PCDHA6: variants seen among roughly 807,000 people sequenced by gnomAD.
PCDHA6 encodes protocadherin alpha-6.
In PCDHA6, 55 loss-of-function variants were observed where a neutral mutation model predicts 60.3. That is an observed-to-expected ratio of 0.91 (90% CI 0.73 to 1.14). The LOEUF (loss-of-function observed/expected upper bound fraction) is 1.14. Among genes scored for constraint, PCDHA6 ranks in the 50% most tolerant of loss-of-function variants. The probability of loss-of-function intolerance (pLI) is 0.00; values close to 1 mark genes in which losing one functional copy is unlikely to be tolerated. For missense variants in PCDHA6, 1,327 were observed against 1,256.5 expected, an observed-to-expected ratio of 1.06 and a Z score of -0.85; for synonymous variants, 652 against 557.9, an observed-to-expected ratio of 1.17 and a Z score of -2.38.
At chr5:140,839,793 G>A (rs1776412354) in intron 1 of PCDHA6, among the ~76,000 whole-genome samples, 1 of 151,918 alleles carries the variant, frequency 6.6e-6, no homozygotes, top group East Asian at 1.9e-4. Context: ...TAGAAATTTG[G>A]AGGAGCTCTT....
chr5:140,858,539 T>A (rs62384480), intron 1 of PCDHA6: 78,694 of 1,399,008 alleles, frequency 0.056, 7,001 homozygotes, highest in Non-Finnish European at 0.065. Context: ...TTTGTCTACA[T>A]TCCATTTATG....
chr5:140,846,625 C>A (rs567549209), intron 1 of PCDHA6, among the ~76,000 whole-genome samples: 1 of 149,010 alleles, frequency 6.7e-6, no homozygotes, highest in Non-Finnish European at 1.5e-5. Flanking sequence ...CCGCCCACTT[C>A]GGCCTCCTAA....
At chr5:140,841,219 G>T in intron 1 of PCDHA6, 1 of 1,437,982 alleles carries the variant, frequency 7.0e-7, no homozygotes, top group South Asian at 1.4e-5. Context: ...TCTAAAGGCC[G>T]AACAACGGGA....
At chr5:140,870,732 T>A (rs782731773) in intron 1 of PCDHA6, 10 of 1,613,288 alleles carry the variant, frequency 6.2e-6, no homozygotes, top group East Asian at 2.2e-5. Flanking sequence ...GCGTGCCGCC[T>A]CTGAGCAGCA....
intron 1 of PCDHA6, among the ~76,000 whole-genome samples, chr5:140,956,511 T>C (rs1293826895): frequency 1.3e-5 from 2 of 152,218 alleles, no homozygotes. Flanking sequence ...TACTTGATCA[T>C]GGTGAATAAG....
rs2150464211 is a variant in PCDHA6 at position 140,850,028 on chromosome 5, C to T, written c.2394+19543C>T. 1.0e-5 allele frequency: 16 copies of T among 1,596,676 alleles called. 1 individual carries two copies. Among genetic ancestry groups the T allele is most frequent in the East Asian group, 2.2e-5 (1 of 44,848 alleles). On this transcript the variant is annotated intron_variant, in intron 1 of 3. Coordinates refer to ENST00000529310, the MANE Select transcript of PCDHA6 (RefSeq NM_018909.4). The stretch of plus-strand genomic sequence containing the variant: ...CGCTGTCGAGCTACGTGTCAGTGCA[C>T]GCGGAGAGCGGCAAGGTGTACGCGC...
intron 1 of PCDHA6, among the ~76,000 whole-genome samples, chr5:140,888,673 A>G (rs571585641): frequency 6.6e-6 from 1 of 152,180 alleles, no homozygotes; most frequent in Non-Finnish European, 1.5e-5. Context: ...TGCCCTGTGC[A>G]TTAAGAGGTC....
rs782411315 is a variant in PCDHA6, at chr5:140,883,596, T to G, written c.2394+53111T>G. ...CTGTGGGCCACGGCCAGCGTGTCGG[T>G]GGGGGTGGCCGACGTGAACGACAAC... On this transcript the variant is annotated intron_variant, in intron 1 of 3. Coordinates refer to ENST00000529310, the MANE Select transcript of PCDHA6 (RefSeq NM_018909.4). 1.0e-4 allele frequency: 167 copies of G among 1,613,676 alleles called. No homozygotes were observed. The highest frequency in any genetic ancestry group is 1.6e-4 in the Middle Eastern group (1 of 6,072).
intron 1 of PCDHA6, among the ~76,000 whole-genome samples, chr5:140,925,482 A>G (rs1238702660): frequency 2.0e-5 from 3 of 152,088 alleles, no homozygotes; most frequent in Admixed American, 6.6e-5. Flanking sequence ...TTCTCATAGA[A>G]CTGATCACTG....
At chr5:140,914,782 G>T (rs563426406) in intron 1 of PCDHA6, among the ~76,000 whole-genome samples, 3 of 151,862 alleles carry the variant, frequency 2.0e-5, no homozygotes, top group Non-Finnish European at 4.4e-5. Context: ...CTTATCTTAT[G>T]ACCCATTATT....
intron 1 of PCDHA6, among the ~76,000 whole-genome samples, chr5:140,891,446 G>T (rs1554184841): frequency 1.0e-4 from 15 of 149,150 alleles, no homozygotes. Context: ...CATTGTATAG[G>T]ATTTTTGAAT....
chr5:140,828,787 G>C lies in PCDHA6; in HGVS notation c.696G>C (p.Val232=). The C allele has an allele frequency of 1.9e-6, 3 of 1,614,216 alleles. No individual in the cohort carries two copies. The highest frequency in any genetic ancestry group is 1.3e-5 in the African/African-American group (1 of 75,062). ...LTGTVQLLVT[V]LDVNDNAPTF... ...GCACTGTTCAGCTGCTGGTCACAGT[G>C]CTGGATGTGAATGATAATGCTCCCA... Residue 232 remains valine (V), a synonymous_variant, in exon 1 of 4, where the codon GTG becomes GTC. Coordinates refer to ENST00000529310, the MANE Select transcript of PCDHA6 (RefSeq NM_018909.4).
chr5:140,848,883 C>G, intron 1 of PCDHA6: 1 of 1,591,194 alleles, frequency 6.3e-7, no homozygotes, highest in Non-Finnish European at 8.6e-7. Context: ...TAACGACAAC[C>G]CTCCAGTGTT....
At chr5:140,852,883 G>C in intron 1 of PCDHA6, 1 of 933,168 alleles carries the variant, frequency 1.1e-6, no homozygotes. Flanking sequence ...ATCATAAAAC[G>C]TATTTTTTTT....
At chr5:140,885,267 C>T (rs1448375746) in intron 1 of PCDHA6, among the ~76,000 whole-genome samples, 1 of 151,978 alleles carries the variant, frequency 6.6e-6, no homozygotes, top group Non-Finnish European at 1.5e-5. Flanking sequence ...ATTACTCATA[C>T]ATATATATAT....
At chr5:140,836,737 A>T in intron 1 of PCDHA6, 1 of 1,603,604 alleles carries the variant, frequency 6.2e-7, no homozygotes, top group South Asian at 1.1e-5. Flanking sequence ...TCTACAGACA[A>T]TGTGAGTCAT....
At chr5:140,971,643 T>C (rs2096490301) in intron 1 of PCDHA6, among the ~76,000 whole-genome samples, 2 of 152,134 alleles carry the variant, frequency 1.3e-5, no homozygotes, top group African/African-American at 4.8e-5. Flanking sequence ...TGTGCCTACA[T>C]TAAAAGTAGA....
chr5:140,888,811 T>C (rs187578319), intron 1 of PCDHA6, among the ~76,000 whole-genome samples: 124 of 152,270 alleles, frequency 8.1e-4, no homozygotes, highest in African/African-American at 1.8e-3. Context: ...CAGTGATCTG[T>C]GATCTGTGAT....
intron 1 of PCDHA6, among the ~76,000 whole-genome samples, chr5:140,881,159 T>A (rs1375537883): frequency 6.6e-6 from 1 of 152,188 alleles, no homozygotes; most frequent in Non-Finnish European, 1.5e-5. Context: ...AAAAGTAAGA[T>A]CCTCTTCCTC....
Sources: gnomAD v4.1 joint callset for allele counts (sites outside exome capture counted in the v4.1 genomes callset) on GRCh38, gnomAD v4.1.1 for gene constraint, MANE v1.5 for transcripts, NCBI Gene and HGNC (gene_info 2026-07-23, HGNC 2026-07-21) for gene names.